The following FAM135A variants were observed in gnomAD, a reference collection of about 807,000 sequenced individuals.
FAM135A encodes the protein protein FAM135A.
In FAM135A, 79 loss-of-function variants were observed where a neutral mutation model predicts 146.8. The ratio of observed to expected loss-of-function variants is 0.54; its 90% confidence interval spans 0.45 to 0.65. The LOEUF (loss-of-function observed/expected upper bound fraction) is 0.65. FAM135A is among the 30% of genes least tolerant of loss of function. The probability of loss-of-function intolerance (pLI) is 0.00; values close to 1 mark genes in which losing one functional copy is unlikely to be tolerated. For missense variants in FAM135A, 1,623 were observed against 1,758.2 expected (o/e 0.92, Z 1.38); for synonymous variants, 562 against 603.6 (o/e 0.93, Z 1.01).
At chr6:70,489,054 T>G (rs967974085) in intron 10 of FAM135A, among the ~76,000 whole-genome samples, 4 of 152,216 alleles carry the variant, frequency 2.6e-5, no homozygotes, top group Non-Finnish European at 5.9e-5. Context: ...TACCCATTTA[T>G]GCAGTTAGGT....
chr6:70,553,402 T>A (rs775807349), intron 20 of FAM135A, among the ~76,000 whole-genome samples: 8 of 152,188 alleles, frequency 5.3e-5, no homozygotes, highest in African/African-American at 4.8e-5. Flanking sequence ...TGTCCTTTAT[T>A]CTCAACTAGA....
intron 4 of FAM135A, among the ~76,000 whole-genome samples, chr6:70,435,065 G>A (rs1173166835): frequency 3.5e-5 from 2 of 57,214 alleles, no homozygotes; most frequent in African/African-American, 3.2e-4. Flanking sequence ...ATATATACGT[G>A]TGTGTGTGTG....
At chr6:70,502,536 C>T (rs1230580159) in intron 11 of FAM135A, 100 bp from the exon 12 acceptor site, 2 of 1,227,142 alleles carry the variant, frequency 1.6e-6, no homozygotes, top group African/African-American at 1.5e-5. Context: ...TTTTTTAAAC[C>T]ACAAATTTGC....
intron 5 of FAM135A, among the ~76,000 whole-genome samples, chr6:70,452,965 T>C (rs1424521413): frequency 6.6e-6 from 1 of 152,160 alleles, no homozygotes; most frequent in African/African-American, 2.4e-5. Context: ...AATTTTTTTT[T>C]TCTGGATTAG....
intron 5 of FAM135A, among the ~76,000 whole-genome samples, chr6:70,470,253 TCA>T (rs1781341743): frequency 6.6e-6 from 1 of 152,216 alleles, no homozygotes; most frequent in Non-Finnish European, 1.5e-5. Flanking sequence ...AAACATTATC[TCA>T]CAGTTTCTGT....
intron 4 of FAM135A, among the ~76,000 whole-genome samples, chr6:70,438,496 A>G (rs764434100): frequency 1.3e-5 from 2 of 152,274 alleles, no homozygotes; most frequent in South Asian, 2.1e-4. Context: ...TCCAGCATAT[A>G]TCTATGTTGC....
intron 12 of FAM135A, 107 bp from the exon 13 acceptor site, chr6:70,522,406 G>A (rs1161522606): frequency 2.4e-6 from 2 of 830,950 alleles, no homozygotes; most frequent in Non-Finnish European, 4.0e-6. Context: ...ATTCTGACGG[G>A]TGATTGTGGA....
At chr6:70,479,547 A>G (rs1010216489) in intron 8 of FAM135A, among the ~76,000 whole-genome samples, 1 of 152,128 alleles carries the variant, frequency 6.6e-6, no homozygotes, top group Non-Finnish European at 1.5e-5. Flanking sequence ...TTCTCTACCT[A>G]TAAATGAAAG....
chr6:70,439,891 C>T (rs958004686), intron 4 of FAM135A, among the ~76,000 whole-genome samples: 2 of 152,008 alleles, frequency 1.3e-5, no homozygotes, highest in African/African-American at 4.8e-5. Context: ...ACCTGTTGTT[C>T]CCCCCAGCTG....
chr6:70,418,795 A>G (rs1768108435), intron 2 of FAM135A, among the ~76,000 whole-genome samples: 1 of 152,248 alleles, frequency 6.6e-6, no homozygotes, highest in African/African-American at 2.4e-5. Context: ...AACCAAACCA[A>G]TACAGACCTA....
Position 70,450,716 on chromosome 6 carries a change from GTTTTTTTTTTTTTTTTTTTTTTTTTTTT to G in FAM135A, c.78-1761_78-1734del, listed in dbSNP as rs546674936. Among the ~76,000 whole-genome samples, 93 of 28,346 alleles carry G rather than the reference GTTTTTTTTTTTTTTTTTTTTTTTTTTTT, an allele frequency of 3.3e-3. 2 individuals carry two copies. Among genetic ancestry groups the G allele is most frequent in the African/African-American group, 5.8e-3 (61 of 10,538 alleles). 18.6% of individuals were successfully genotyped at this position (28,346 alleles called of 152,430 possible). On this transcript the variant is annotated intron_variant, in intron 4 of 21. Transcript: ENST00000418814. Reference sequence around the variant, plus strand: ...CTCAGGGAGTGTGACCCTTTTAGTTGTTTTTTTTTTTTTTTTTTTTTTTTTTTTTTTTTTTTTTTTTTGAGTCAGAGTC... The same window carrying G: ...CTCAGGGAGTGTGACCCTTTTAGTTGTTTTTTTTTTTTTTGAGTCAGAGTC...
intron 19 of FAM135A, 103 bp downstream of exon 19, chr6:70,536,514 G>A: frequency 1.1e-6 from 1 of 888,396 alleles, no homozygotes; most frequent in Non-Finnish European, 1.5e-6. Context: ...TCACATACTG[G>A]AAATTTCGTG....
intron 20 of FAM135A, among the ~76,000 whole-genome samples, chr6:70,547,408 C>A (rs1197898740): frequency 6.6e-6 from 1 of 152,160 alleles, no homozygotes; most frequent in African/African-American, 2.4e-5. Context: ...ACAGAGTTTT[C>A]TTAGCTTCAG....
At chr6:70,530,296 C>G (rs139567968) in intron 16 of FAM135A, among the ~76,000 whole-genome samples, 1 of 152,046 alleles carries the variant, frequency 6.6e-6, no homozygotes, top group Admixed American at 6.6e-5. Flanking sequence ...AAACTTTGAT[C>G]TCAATAGGAT....
At chr6:70,457,501 T>TATTCCAA (rs1450946869) in intron 5 of FAM135A, among the ~76,000 whole-genome samples, 3 of 152,228 alleles carry the variant, frequency 2.0e-5, no homozygotes, top group Admixed American at 2.0e-4. Flanking sequence ...TCCAAATGAG[T>TATTCCAA]ATGTTTGTTC....
intron 13 of FAM135A, among the ~76,000 whole-genome samples, chr6:70,523,072 C>T (rs2128341640): frequency 6.6e-6 from 1 of 152,206 alleles, no homozygotes; most frequent in South Asian, 2.1e-4. Context: ...ATTTTGAGGA[C>T]ATTATGCTGA....
At chr6:70,545,955 T>C (rs917757156) in intron 20 of FAM135A, among the ~76,000 whole-genome samples, 1 of 152,186 alleles carries the variant, frequency 6.6e-6, no homozygotes, top group Non-Finnish European at 1.5e-5. Context: ...ATAGCACTTT[T>C]AAATATCAAC....
chr6:70,521,089 T>G (rs570683608), intron 12 of FAM135A, among the ~76,000 whole-genome samples: 10 of 151,730 alleles, frequency 6.6e-5, no homozygotes, highest in East Asian at 1.9e-4. Context: ...ATCCTAGAGG[T>G]TTTTTTTTGT....
At chr6:70,532,554 G>A (rs756342708) in intron 16 of FAM135A, among the ~76,000 whole-genome samples, 3 of 152,074 alleles carry the variant, frequency 2.0e-5, no homozygotes, top group Non-Finnish European at 4.4e-5. Context: ...TACTGTAGCC[G>A]GGAGTCACCA....
Sources: allele counts gnomAD v4.1 joint callset (sites outside exome capture counted in the v4.1 genomes callset), GRCh38; gene constraint gnomAD v4.1.1; transcripts MANE v1.5; gene names NCBI Gene and HGNC (gene_info 2026-07-23, HGNC 2026-07-21).